The following DLG1 variants were observed in gnomAD, a reference collection of about 807,000 sequenced individuals.
The protein encoded by DLG1 is disks large homolog 1.
A neutral mutation model predicts 123.4 loss-of-function variants in DLG1; 42 were observed. The ratio of observed to expected loss-of-function variants is 0.34; its 90% CI spans 0.27 to 0.44. DLG1 has a LOEUF of 0.44. Among genes scored for constraint, DLG1 ranks in the 20% least tolerant of loss-of-function variants. DLG1 has a pLI of 1.00. For missense variants in DLG1, 942 were observed against 1,082.6 expected, an observed-to-expected ratio of 0.87 and a Z score of 1.82; for synonymous variants, 317 against 356.2, an observed-to-expected ratio of 0.89 and a Z score of 1.24.
intron 4 of DLG1, among the ~76,000 whole-genome samples, chr3:197,275,231 T>C (rs146605059): frequency 1.3e-5 from 2 of 151,432 alleles, no homozygotes; most frequent in East Asian, 3.9e-4. Flanking sequence ...CCACTTAATA[T>C]GGCTATTATC....
chr3:197,161,579 C>T (rs1343768077), intron 5 of DLG1: 16 of 1,043,410 alleles, frequency 1.5e-5, no homozygotes, highest in Non-Finnish European at 2.1e-5. Flanking sequence ...TAAAAAAGAA[C>T]ACAAATGAAA....
At chr3:197,174,405 T>C (rs1004326284) in intron 5 of DLG1, among the ~76,000 whole-genome samples, 1 of 152,176 alleles carries the variant, frequency 6.6e-6, no homozygotes, top group African/African-American at 2.4e-5. Flanking sequence ...TACAGTTCTT[T>C]AAAATATCTT....
In DLG1 at chr3:197,298,572, C is replaced by G. The variant is rs1778581596; in HGVS notation, c.-68G>C. On this transcript the variant is annotated 5_prime_UTR_variant, in exon 1 of 25. Transcript: ENST00000667157. Reference sequence around the variant, plus strand: ...TCAACCTCACTCAGCAGTGCCGTTTCCAACTCCGCGGCAGAGACAGCGCCT... The same window carrying G: ...TCAACCTCACTCAGCAGTGCCGTTTGCAACTCCGCGGCAGAGACAGCGCCT... The G allele has an allele frequency of 5.0e-6, 2 of 398,568 alleles. No homozygotes were observed. Among genetic ancestry groups the G allele is most frequent in the East Asian group, 3.6e-5 (1 of 28,076 alleles). 24.7% of individuals were successfully genotyped at this position (398,568 alleles called of 1,614,324 possible). A position where few individuals can be genotyped will look rare whatever the true frequency, so the allele number is the denominator to read the frequency against.
rs758874633 is a variant in DLG1, at chr3:197,275,475, C to T, written c.318+7204G>A. On this transcript the variant is annotated intron_variant, in intron 4 of 24. Coordinates refer to ENST00000667157, the MANE Select transcript of DLG1 (RefSeq NM_001366207.1). ...TTATCGCACCACTATTCACCACTGC[C>T]ACGATAGGGAATTAGCCTAAGTGTC... 9.2e-5 allele frequency among the ~76,000 whole-genome samples: 14 copies of T among 152,112 alleles called. 1 individual carries two copies. Among genetic ancestry groups the T allele is most frequent in the Non-Finnish European group, 1.6e-4 (11 of 68,012 alleles).
chr3:197,224,656 ATT>A (rs1290356211), intron 4 of DLG1, among the ~76,000 whole-genome samples: 1 of 152,316 alleles, frequency 6.6e-6, no homozygotes, highest in African/African-American at 2.4e-5. Flanking sequence ...ATTTCAGAAA[ATT>A]TCTGAAATCT....
intron 18 of DLG1, chr3:197,075,950 G>A (rs1578620370): frequency 7.9e-7 from 1 of 1,270,046 alleles, no homozygotes; most frequent in East Asian, 2.4e-5. Context: ...TAAAATTGGT[G>A]CTACAGTAAG....
chr3:197,131,728 G>C (rs937925007), intron 10 of DLG1, among the ~76,000 whole-genome samples: 1 of 148,180 alleles, frequency 6.7e-6, no homozygotes, highest in Non-Finnish European at 1.5e-5. Flanking sequence ...CAAGTAGCTG[G>C]GACTACAGGC....
Position 197,257,681 on chromosome 3 carries a change from C to T in DLG1, c.318+24998G>A, listed in dbSNP as rs149962418. On this transcript the variant is annotated intron_variant, in intron 4 of 24. Coordinates refer to ENST00000667157, the MANE Select transcript of DLG1 (RefSeq NM_001366207.1). ...GATCCTATTACAAGAAATTCTGGTA[C>T]TAAAGTTACTCTCAGAAGTTACTTG... Among the ~76,000 whole-genome samples, 496 of 152,224 alleles carry T rather than the reference C, an allele frequency of 3.3e-3. 2 individuals carry two copies. Among genetic ancestry groups the T allele is most frequent in the Middle Eastern group, 0.01 (3 of 294 alleles).
intron 4 of DLG1, among the ~76,000 whole-genome samples, chr3:197,246,066 T>C (rs772972669): frequency 6.6e-6 from 1 of 152,168 alleles, no homozygotes; most frequent in Non-Finnish European, 1.5e-5. Context: ...AATAGTTCCT[T>C]CTTGATTTTG....
intron 23 of DLG1, among the ~76,000 whole-genome samples, chr3:197,053,276 A>G (rs1729220392): frequency 6.6e-6 from 1 of 152,244 alleles, no homozygotes; most frequent in Non-Finnish European, 1.5e-5. Flanking sequence ...CCACCCTACA[A>G]AATTCTCTGC....
intron 4 of DLG1, among the ~76,000 whole-genome samples, chr3:197,238,508 C>T (rs761987381): frequency 1.4e-4 from 22 of 152,008 alleles, no homozygotes; most frequent in Admixed American, 1.2e-3. Flanking sequence ...TACAATAACA[C>T]TAAAGACTCA....
Position 197,130,100 on chromosome 3 carries a change from T to A in DLG1, c.1165+427A>T, listed in dbSNP as rs150797091. Among the ~76,000 whole-genome samples the A allele has an allele frequency of 9.7e-3, 1,478 of 152,274 alleles. 16 individuals carry two copies. The highest frequency in any genetic ancestry group is 0.023 in the African/African-American group (959 of 41,566). ...ATTGCCATAAACCTTCAATTTGTAA[T>A]AAATGTAGTCTCTGTGAAGTGCAAT... On this transcript the variant is annotated intron_variant, in intron 11 of 24. Coordinates refer to ENST00000667157, the MANE Select transcript of DLG1 (RefSeq NM_001366207.1).
At chr3:197,239,329 A>C (rs1747666232) in intron 4 of DLG1, among the ~76,000 whole-genome samples, 1 of 152,190 alleles carries the variant, frequency 6.6e-6, no homozygotes, top group South Asian at 2.1e-4. Flanking sequence ...TGAATAAGTA[A>C]TCAAAAATCT....
intron 4 of DLG1, among the ~76,000 whole-genome samples, chr3:197,256,894 C>T (rs764629928): frequency 2.0e-5 from 3 of 152,030 alleles, no homozygotes; most frequent in Non-Finnish European, 4.4e-5. Context: ...TTAGGAAACA[C>T]TTGATTATAA....
chr3:197,207,510 A>G (rs1729193457), intron 4 of DLG1, among the ~76,000 whole-genome samples: 1 of 152,190 alleles, frequency 6.6e-6, no homozygotes, highest in Non-Finnish European at 1.5e-5. Flanking sequence ...TTATTCAAAT[A>G]TTTATGCAGG....
rs188588612 is a variant in DLG1 at position 197,195,056 on chromosome 3, A to T, written c.319-467T>A. Among the ~76,000 whole-genome samples the T allele has an allele frequency of 1.6e-3, 240 of 151,600 alleles. 1 individual carries two copies. Among genetic ancestry groups the T allele is most frequent in the African/African-American group, 4.3e-3 (178 of 41,314 alleles). ...ACTATAATCTCTCTCTCTCTCTCTC[A>T]CACACACACACCTCTATGCAATCTA... On this transcript the variant is annotated intron_variant, in intron 4 of 24. Transcript: ENST00000667157.
At chr3:197,089,867 G>T (rs1403819537) in intron 15 of DLG1, among the ~76,000 whole-genome samples, 1 of 152,068 alleles carries the variant, frequency 6.6e-6, no homozygotes, top group Non-Finnish European at 1.5e-5. Flanking sequence ...AAAAAAATCT[G>T]ATGCATTTAA....
chr3:197,092,198 A>C (rs1371832142), intron 14 of DLG1, among the ~76,000 whole-genome samples: 1 of 152,220 alleles, frequency 6.6e-6, no homozygotes, highest in Non-Finnish European at 1.5e-5. Context: ...GAGATCATAA[A>C]AATATATCAT....
At chr3:197,083,160 T>C (rs1352589992) in intron 16 of DLG1, among the ~76,000 whole-genome samples, 3 of 152,210 alleles carry the variant, frequency 2.0e-5, no homozygotes, top group African/African-American at 4.8e-5. Context: ...ATGCTAAATA[T>C]ATGGATACAG....
Sources: gnomAD v4.1 joint callset for allele counts (sites outside exome capture counted in the v4.1 genomes callset) on GRCh38, gnomAD v4.1.1 for gene constraint, MANE v1.5 for transcripts, NCBI Gene and HGNC (gene_info 2026-07-23, HGNC 2026-07-21) for gene names.